The following CADM2 variants were observed in gnomAD, a reference collection of about 807,000 sequenced individuals.
The protein encoded by CADM2 is cell adhesion molecule 2, also known as immunoglobulin superfamily member 4D.
CADM2 carries 12 observed loss-of-function variants against 49.8 expected under a neutral mutation model. The ratio of observed to expected loss-of-function variants is 0.24; its 90% confidence interval spans 0.15 to 0.39. CADM2 has a LOEUF of 0.39. Ranked by LOEUF, CADM2 falls within the 10% of genes least tolerant of loss-of-function variation. CADM2 has a pLI of 1.00. For synonymous variants in CADM2, 214 were observed against 175.4 expected, an observed-to-expected ratio of 1.22 and a Z score of -1.74; for missense variants, 378 against 492.3, an observed-to-expected ratio of 0.77 and a Z score of 2.20.
intron 2 of CADM2, among the ~76,000 whole-genome samples, chr3:85,798,772 G>A (rs1431935638): frequency 1.3e-5 from 2 of 152,066 alleles, no homozygotes; most frequent in East Asian, 1.9e-4. Context: ...GGTTCCATAT[G>A]AAATTTAAAG....
intron 1 of CADM2, among the ~76,000 whole-genome samples, chr3:85,609,593 T>G (rs564315511): frequency 3.6e-4 from 55 of 152,204 alleles, no homozygotes; most frequent in Admixed American, 5.2e-4. Flanking sequence ...CAGTATAGAT[T>G]TACAGCCTGG....
At position 85,886,224 on chromosome 3, in the gene CADM2, A is replaced by G; in HGVS notation, c.426A>G (p.Ser142=). 6.2e-7 allele frequency: 1 copy of G among 1,613,882 alleles called. No individual in the cohort carries two copies. Among genetic ancestry groups the G allele is most frequent in the Non-Finnish European group, 8.5e-7 (1 of 1,179,830 alleles). Residue 142 remains serine, a synonymous_variant, in exon 5 of 10, where the codon TCA becomes TCG. Coordinates refer to ENST00000383699, the MANE Select transcript of CADM2 (RefSeq NM_001167675.2). The part of the protein sequence containing the change: ...VPEKPQISGF[S]SPVMEGDLMQ... The stretch of plus-strand genomic sequence containing the variant: ...AAAAGCCTCAGATTAGTGGATTCTC[A>G]TCACCAGTTATGGAGGGTGACTTGA...
chr3:85,720,422 TTTCTAA>T (rs1353496604), intron 1 of CADM2, among the ~76,000 whole-genome samples: 1 of 152,220 alleles, frequency 6.6e-6, no homozygotes, highest in African/African-American at 2.4e-5. Flanking sequence ...GAATGGTGAC[TTTCTAA>T]TTCTTTTATT....
chr3:85,261,063 C>T (rs2043004621), intron 1 of CADM2, among the ~76,000 whole-genome samples: 1 of 152,004 alleles, frequency 6.6e-6, no homozygotes. Flanking sequence ...TTGTCCTTTT[C>T]TATTATCCCT....
At chr3:85,014,290 G>A (rs927984808) in intron 1 of CADM2, among the ~76,000 whole-genome samples, 2 of 151,136 alleles carry the variant, frequency 1.3e-5, no homozygotes, top group African/African-American at 4.9e-5. Flanking sequence ...AGAAAAAGAG[G>A]AAAGGGACCA....
At chr3:85,443,971 T>C (rs1576565166) in intron 1 of CADM2, among the ~76,000 whole-genome samples, 1 of 152,284 alleles carries the variant, frequency 6.6e-6, no homozygotes, top group African/African-American at 2.4e-5. Flanking sequence ...TCCATTCCAC[T>C]ATCTCATTCC....
chr3:85,085,668 C>T (rs1254934597), intron 1 of CADM2, among the ~76,000 whole-genome samples: 1 of 152,096 alleles, frequency 6.6e-6, no homozygotes, highest in Non-Finnish European at 1.5e-5. Context: ...CCCCAGTAAT[C>T]GTTTCATCCT....
intron 1 of CADM2, among the ~76,000 whole-genome samples, chr3:85,140,245 T>C (rs2039537354): frequency 6.6e-6 from 1 of 152,192 alleles, no homozygotes; most frequent in Non-Finnish European, 1.5e-5. Context: ...GTTATCCTTA[T>C]CCAGAAAATT....
chr3:85,666,174 C>A (rs1301884469), intron 1 of CADM2, among the ~76,000 whole-genome samples: 2 of 152,116 alleles, frequency 1.3e-5, no homozygotes, highest in East Asian at 3.9e-4. Flanking sequence ...CCTAGGAATA[C>A]AACTTACAAG....
chr3:85,505,159 C>A (rs1016402580), intron 1 of CADM2, among the ~76,000 whole-genome samples: 1 of 152,314 alleles, frequency 6.6e-6, no homozygotes, highest in East Asian at 1.9e-4. Flanking sequence ...TCTCAAGTGC[C>A]GCCAAAGTGG....
At chr3:85,840,015 C>G (rs1228646848) in intron 3 of CADM2, among the ~76,000 whole-genome samples, 1 of 151,784 alleles carries the variant, frequency 6.6e-6, no homozygotes, top group African/African-American at 2.4e-5. Flanking sequence ...TTAAGTTTCT[C>G]TTTATTTGAT....
chr3:85,400,402 A>G (rs2035038254), intron 1 of CADM2, among the ~76,000 whole-genome samples: 1 of 152,138 alleles, frequency 6.6e-6, no homozygotes, highest in Non-Finnish European at 1.5e-5. Context: ...ATATTGGTCT[A>G]AAATTCTCTT....
intron 1 of CADM2, among the ~76,000 whole-genome samples, chr3:85,080,811 T>C (rs1304748036): frequency 6.6e-6 from 1 of 152,078 alleles, no homozygotes. Context: ...GTAGTTTAAA[T>C]TATTTTTATA....
chr3:85,249,033 A>G (rs963938422), intron 1 of CADM2, among the ~76,000 whole-genome samples: 1 of 152,112 alleles, frequency 6.6e-6, no homozygotes, highest in Non-Finnish European at 1.5e-5. Flanking sequence ...GCTTCAAGAA[A>G]TTTTTTTGTC....
At chr3:85,361,205 A>G (rs939665396) in intron 1 of CADM2, among the ~76,000 whole-genome samples, 7 of 152,160 alleles carry the variant, frequency 4.6e-5, no homozygotes, top group Admixed American at 3.3e-4. Flanking sequence ...CAAGACTGCA[A>G]GCAGTTTAGC....
At chr3:85,128,824 T>G (rs1196678579) in intron 1 of CADM2, among the ~76,000 whole-genome samples, 1 of 152,156 alleles carries the variant, frequency 6.6e-6, no homozygotes, top group African/African-American at 2.4e-5. Context: ...TAGAGAGGCT[T>G]TTATAATGTA....
intron 1 of CADM2, among the ~76,000 whole-genome samples, chr3:85,709,303 T>C (rs906427456): frequency 6.6e-6 from 1 of 152,202 alleles, no homozygotes; most frequent in African/African-American, 2.4e-5. Context: ...TAACAATTTA[T>C]CTTGGCATTT....
chr3:86,018,128 T>A (rs557534048), intron 8 of CADM2, among the ~76,000 whole-genome samples: 1 of 127,068 alleles, frequency 7.9e-6, no homozygotes, highest in African/African-American at 3.0e-5. Flanking sequence ...ATATGCGGTG[T>A]TTGGTTTTTT....
chr3:85,812,914 GTA>G (rs2072971171), intron 3 of CADM2, among the ~76,000 whole-genome samples: 1 of 152,230 alleles, frequency 6.6e-6, no homozygotes, highest in East Asian at 1.9e-4. Flanking sequence ...ATTCCATGGT[GTA>G]TATGTACCAC....
Sources: gnomAD v4.1 joint callset for allele counts (sites outside exome capture counted in the v4.1 genomes callset) on GRCh38, gnomAD v4.1.1 for gene constraint, MANE v1.5 for transcripts, NCBI Gene and HGNC (gene_info 2026-07-23, HGNC 2026-07-21) for gene names.